Variants in EML1 observed in about 807,000 individuals in gnomAD.
EML1 encodes echinoderm microtubule-associated protein-like 1.
EML1 carries 27 observed loss-of-function variants against 110.4 expected under a neutral mutation model. That is an observed-to-expected ratio of 0.24 (90% confidence interval 0.18 to 0.34). EML1 has a LOEUF of 0.34. Ranked by LOEUF, EML1 falls within the 10% of genes least tolerant of loss-of-function variation. The pLI, the probability that EML1 is intolerant of heterozygous loss-of-function variation, is 1.00. For synonymous variants in EML1, 344 were observed against 385.8 expected (o/e 0.89, Z 1.27); for missense variants, 741 against 1,030.9 (o/e 0.72, Z 3.85).
intron 1 of EML1, among the ~76,000 whole-genome samples, chr14:99,748,279 C>T (rs1026871612): frequency 6.6e-5 from 10 of 152,182 alleles, no homozygotes; most frequent in East Asian, 3.9e-4. Flanking sequence ...TCCTGGGATC[C>T]GGAGCTTGCC....
chr14:99,857,495 GTTGTAA>G (rs1443039362), intron 2 of EML1, among the ~76,000 whole-genome samples: 2 of 152,084 alleles, frequency 1.3e-5, no homozygotes, highest in Non-Finnish European at 2.9e-5. Flanking sequence ...ATTAGTATAA[GTTGTAA>G]AACCATCACC....
chr14:99,797,344 CTTG>C (rs1228976652), intron 1 of EML1, among the ~76,000 whole-genome samples: 1 of 152,168 alleles, frequency 6.6e-6, no homozygotes, highest in East Asian at 1.9e-4. Flanking sequence ...AAATCTGTTA[CTTG>C]TTGATGGGTT....
intron 5 of EML1, among the ~76,000 whole-genome samples, chr14:99,892,964 C>T (rs776391899): frequency 6.7e-6 from 1 of 148,390 alleles, no homozygotes; most frequent in African/African-American, 2.6e-5. Flanking sequence ...GAATGTCAAT[C>T]GTTTGGGTGC....
intron 1 of EML1, among the ~76,000 whole-genome samples, chr14:99,843,205 C>G: frequency 6.6e-6 from 1 of 152,070 alleles, no homozygotes; most frequent in Non-Finnish European, 1.5e-5. Context: ...GAGCTGTAAT[C>G]GCACCACTGC....
chr14:99,739,926 G>T (rs2140157852), intron 1 of EML1, among the ~76,000 whole-genome samples: 1 of 152,262 alleles, frequency 6.6e-6, no homozygotes, highest in African/African-American at 2.4e-5. Context: ...GTGTGACCTA[G>T]GGCAGACTAT....
intron 1 of EML1, among the ~76,000 whole-genome samples, chr14:99,822,786 G>A (rs1430212802): frequency 6.6e-6 from 1 of 152,146 alleles, no homozygotes; most frequent in African/African-American, 2.4e-5. Flanking sequence ...AGTAGAGGAA[G>A]CCCACTTGGA....
intron 1 of EML1, among the ~76,000 whole-genome samples, chr14:99,800,636 A>G (rs10151787): frequency 0.32 from 48,147 of 152,136 alleles, 8,980 homozygotes; most frequent in African/African-American, 0.51. Context: ...GCTGAGATTA[A>G]GCATGAGCCC....
In EML1 at chr14:99,936,247, G is replaced by A; in HGVS notation, c.2008G>A (p.Gly670Ser). The change falls in exon 19 of 22, where the codon GGT (glycine) becomes AGT (serine). Residue 670 changes from glycine to serine, a missense_variant and splice_region_variant. Coordinates refer to ENST00000262233, the MANE Select transcript of EML1 (RefSeq NM_004434.3). The surrounding 1 kb of genome is among the most constrained non-coding windows in gnomAD (Gnocchi z 5.5). ...RKYTRVGKCS[G>S]HSSFITHLDW... The stretch of plus-strand genomic sequence containing the variant: ...TGAAGACAGTGTTTTACCCTCCCAG[G>A]GTCATTCCAGCTTCATTACTCACCT... 6.2e-7 allele frequency: 1 copy of A among 1,614,060 alleles called. No individual in the cohort carries two copies.
chr14:99,936,925 G>A lies in EML1; in HGVS notation c.2095+591G>A, dbSNP rs1348979330. ...GGCACCTGCCACGTGCCCCACTCTG[G>A]GCCACGCAGGGCGGCGCGTGGGCAC... On this transcript the variant is annotated intron_variant, in intron 19 of 21. Transcript: ENST00000262233. This position sits in a 1 kb window ranked among gnomAD's most constrained non-coding sequence, Gnocchi z 5.5. Among the ~76,000 whole-genome samples, 10 of 152,224 alleles carry A rather than the reference G, an allele frequency of 6.6e-5. No individual in the cohort carries two copies. The highest frequency in any genetic ancestry group is 9.6e-5 in the African/African-American group (4 of 41,466).
intron 2 of EML1, among the ~76,000 whole-genome samples, chr14:99,864,009 T>G (rs1055178201): frequency 1.3e-5 from 2 of 152,248 alleles, no homozygotes; most frequent in Non-Finnish European, 2.9e-5. Context: ...ATTTTGTCTG[T>G]CTTTTTGGAT....
intron 8 of EML1, among the ~76,000 whole-genome samples, chr14:99,899,743 T>C (rs1452058503): frequency 6.6e-6 from 1 of 152,100 alleles, no homozygotes; most frequent in African/African-American, 2.4e-5. Context: ...TAAATGGCTT[T>C]GAAAAATTCT....
chr14:99,869,168 A>T (rs1166327937), intron 3 of EML1, among the ~76,000 whole-genome samples: 2 of 152,002 alleles, frequency 1.3e-5, no homozygotes, highest in South Asian at 2.1e-4. Context: ...GAGATACCAC[A>T]TTTTTTTTAC....
At chr14:99,770,404 T>TATCTATCTATCTATCTATCTATC (rs1464851037), upstream of EML1, among the ~76,000 whole-genome samples, 4 of 152,108 alleles carry the variant, frequency 2.6e-5, no homozygotes, top group Non-Finnish European at 5.9e-5. Context: ...TCTATCTATC[T>TATCTATCTATCTATCTATCTATC]ATCTTTTTTA....
At chr14:99,777,423 TTTTG>T (rs575229436) in intron 1 of EML1, among the ~76,000 whole-genome samples, 7 of 152,252 alleles carry the variant, frequency 4.6e-5, no homozygotes, top group Admixed American at 2.6e-4. Context: ...TTTTGTTTCT[TTTTG>T]TTTGTTTGTT....
intron 1 of EML1, among the ~76,000 whole-genome samples, chr14:99,845,575 TA>T (rs1230329015): frequency 3.3e-5 from 5 of 152,372 alleles, no homozygotes; most frequent in South Asian, 2.1e-4. Flanking sequence ...TCTTGCTTTA[TA>T]GTTTTACTTC....
In EML1 at chr14:99,877,843, C is replaced by T. The variant is rs922455137; in HGVS notation, c.384-642C>T. ...CCCCGGGTCTCCACCCACTACATGG[C>T]AGTAGCAGTCCCTCCCCAGCTGTGG... On this transcript the variant is annotated intron_variant, in intron 3 of 21. Transcript: ENST00000262233. 2.0e-5 allele frequency among the ~76,000 whole-genome samples: 3 copies of T among 152,258 alleles called. No homozygotes were observed. The East Asian group carries it at 5.8e-4, about 29-fold the overall frequency.
At chr14:99,807,198 C>T (rs997248470) in intron 1 of EML1, among the ~76,000 whole-genome samples, 1 of 152,182 alleles carries the variant, frequency 6.6e-6, no homozygotes, top group African/African-American at 2.4e-5. Context: ...CTTTCGTGAT[C>T]CTCTGTAATC....
chr14:99,920,943 A>G, intron 17 of EML1, 66 bp downstream of exon 17: 1 of 1,453,722 alleles, frequency 6.9e-7, no homozygotes, highest in Non-Finnish European at 9.5e-7. Flanking sequence ...TCTGGAGTCC[A>G]TGTGCAGGAT....
chr14:99,780,075 G>T (rs2057523164), intron 1 of EML1, among the ~76,000 whole-genome samples: 1 of 152,042 alleles, frequency 6.6e-6, no homozygotes, highest in Non-Finnish European at 1.5e-5. Flanking sequence ...CCACCTTCTT[G>T]CTGTGTCCTC....
Sources: allele counts gnomAD v4.1 joint callset (sites outside exome capture counted in the v4.1 genomes callset), GRCh38; gene constraint gnomAD v4.1.1; non-coding constraint Gnocchi (gnomAD v3.1); transcripts MANE v1.5; gene names NCBI Gene and HGNC (gene_info 2026-07-23, HGNC 2026-07-21).